DLC1: variants seen among roughly 807,000 people sequenced by gnomAD.
DLC1 encodes the protein rho GTPase-activating protein 7.
In DLC1, 54 loss-of-function variants were observed where a neutral mutation model predicts 140.3. The observed-to-expected ratio is 0.38, with a 90% CI of 0.31 to 0.48. The LOEUF is 0.48. DLC1 is among the 20% of genes least tolerant of loss of function. DLC1 has a pLI of 0.96. For missense variants in DLC1, 2,536 were observed against 1,907.0 expected, an observed-to-expected ratio of 1.33 and a Z score of -6.14; for synonymous variants, 986 against 728.1, an observed-to-expected ratio of 1.35 and a Z score of -5.70.
intron 5 of DLC1, among the ~76,000 whole-genome samples, chr8:13,194,825 TAGAG>T (rs1826956343): frequency 6.6e-6 from 1 of 151,938 alleles, no homozygotes; most frequent in Non-Finnish European, 1.5e-5. Context: ...TTGGGCAACA[TAGAG>T]AGACCCCCAT....
At chr8:13,593,660 G>A (rs549234278) in intron 1 of DLC1, among the ~76,000 whole-genome samples, 1 of 152,130 alleles carries the variant, frequency 6.6e-6, no homozygotes, top group Admixed American at 6.5e-5. Context: ...AACCCCGCCC[G>A]ATTCATACAG....
At chr8:13,119,798 T>C (rs992076380) in intron 5 of DLC1, among the ~76,000 whole-genome samples, 8 of 150,856 alleles carry the variant, frequency 5.3e-5, no homozygotes, top group African/African-American at 2.0e-4. Flanking sequence ...ACAAAAAATA[T>C]AAAAAGAAAA....
intron 2 of DLC1, among the ~76,000 whole-genome samples, chr8:13,451,141 G>C (rs9643907): frequency 0.15 from 22,485 of 145,810 alleles, 2,278 homozygotes; most frequent in African/African-American, 0.28. Context: ...GAGTAAATAT[G>C]TTTGAAAAAA....
rs565549829 is a variant in DLC1 at position 13,158,835 on chromosome 8, A to G, written c.1349-43178T>C. Reference sequence around the variant, plus strand: ...ATAAGACAGGTTAGGTAGTTTGTTTAGCTTCATTTTATGACAGAGAGAAAC... The same window carrying G: ...ATAAGACAGGTTAGGTAGTTTGTTTGGCTTCATTTTATGACAGAGAGAAAC... On this transcript the variant is annotated intron_variant, in intron 5 of 17. Coordinates refer to ENST00000276297, the MANE Select transcript of DLC1 (RefSeq NM_182643.3). 1.6e-4 allele frequency among the ~76,000 whole-genome samples: 23 copies of G among 146,250 alleles called. No homozygotes were observed. In the East Asian group the frequency reaches 3.2e-3, roughly 20 times the overall value.
chr8:13,572,021 A>G (rs1393324563), intron 1 of DLC1, among the ~76,000 whole-genome samples: 1 of 151,972 alleles, frequency 6.6e-6, no homozygotes, highest in African/African-American at 2.4e-5. Flanking sequence ...CAAAATGTCT[A>G]TTCAAATCCT....
At chr8:13,496,795 T>C (rs866227511) in intron 2 of DLC1, among the ~76,000 whole-genome samples, 13 of 8,758 alleles carry the variant, frequency 1.5e-3, no homozygotes, top group African/African-American at 2.7e-3. Flanking sequence ...CCTTTTTTTT[T>C]TTTTTTTTTT....
intron 17 of DLC1, 134 bp from the exon 18 acceptor site, chr8:13,086,065 C>G (rs73206688): frequency 0.039 from 55,357 of 1,422,188 alleles, 1,185 homozygotes; most frequent in Middle Eastern, 0.072. Context: ...CATGGCCGAG[C>G]TACCATATTT....
intron 2 of DLC1, among the ~76,000 whole-genome samples, chr8:13,437,009 T>C (rs1839149945): frequency 6.6e-6 from 1 of 152,242 alleles, no homozygotes; most frequent in Non-Finnish European, 1.5e-5. Context: ...GATATTGTCA[T>C]GTACCCTAAA....
intron 2 of DLC1, among the ~76,000 whole-genome samples, chr8:13,448,065 G>C (rs966918563): frequency 6.6e-6 from 1 of 152,152 alleles, no homozygotes; most frequent in Non-Finnish European, 1.5e-5. Context: ...ACTTTACTAT[G>C]CTGAAGAGTA....
chr8:13,558,579 A>C (rs781393984), intron 1 of DLC1: 3 of 152,182 alleles, frequency 2.0e-5, no homozygotes, highest in Non-Finnish European at 4.4e-5. Flanking sequence ...ATTGTTCTTT[A>C]GGTCACTTTC....
chr8:13,493,825 C>T (rs1036660240), intron 2 of DLC1, among the ~76,000 whole-genome samples: 1 of 152,112 alleles, frequency 6.6e-6, no homozygotes, highest in Non-Finnish European at 1.5e-5. Flanking sequence ...TTATCCTCCC[C>T]TTGTTACAAG....
At chr8:13,140,058 C>A (rs1482432407) in intron 5 of DLC1, among the ~76,000 whole-genome samples, 1 of 152,168 alleles carries the variant, frequency 6.6e-6, no homozygotes, top group Non-Finnish European at 1.5e-5. Flanking sequence ...TCCTCTTTCT[C>A]CCCTTCCCCC....
chr8:13,215,388 C>A (rs548092541), intron 5 of DLC1, among the ~76,000 whole-genome samples: 1 of 152,212 alleles, frequency 6.6e-6, no homozygotes, highest in Admixed American at 6.5e-5. Context: ...GAGTTTGAGA[C>A]CAGCCTGGCC....
At chr8:13,098,348 G>C (rs1351769066) in intron 10 of DLC1, 51 bp downstream of exon 10, 1 of 1,602,656 alleles carries the variant, frequency 6.2e-7, no homozygotes, top group Non-Finnish European at 8.5e-7. Context: ...TCAAGGAACT[G>C]ACCAAAAATA....
intron 2 of DLC1, among the ~76,000 whole-genome samples, chr8:13,486,087 A>T (rs1239971003): frequency 1.3e-5 from 2 of 152,216 alleles, no homozygotes; most frequent in African/African-American, 4.8e-5. Flanking sequence ...GAGAGAAAGC[A>T]CTTTGTAACT....
At chr8:13,234,835 A>G (rs1829209035) in intron 5 of DLC1, among the ~76,000 whole-genome samples, 1 of 152,112 alleles carries the variant, frequency 6.6e-6, no homozygotes, top group Non-Finnish European at 1.5e-5. Context: ...AAGAAAAGAG[A>G]GACTTGTCTT....
intron 5 of DLC1, among the ~76,000 whole-genome samples, chr8:13,137,200 G>T (rs1039513716): frequency 1.3e-5 from 2 of 152,128 alleles, no homozygotes; most frequent in Non-Finnish European, 2.9e-5. Context: ...GGGTCCCCAG[G>T]CCCCTCAGTG....
At chr8:13,192,018 T>C (rs1332421140) in intron 5 of DLC1, among the ~76,000 whole-genome samples, 1 of 150,538 alleles carries the variant, frequency 6.6e-6, no homozygotes, top group Non-Finnish European at 1.5e-5. Context: ...CTCGGCTCAC[T>C]GCAGCCTCTG....
intron 5 of DLC1, among the ~76,000 whole-genome samples, chr8:13,277,624 C>T (rs1187395866): frequency 6.6e-6 from 1 of 152,136 alleles, no homozygotes; most frequent in East Asian, 1.9e-4. Context: ...TCTAAAATGC[C>T]AAATAAATCT....
Sources: gnomAD v4.1 joint callset for allele counts (sites outside exome capture counted in the v4.1 genomes callset) on GRCh38, gnomAD v4.1.1 for gene constraint, MANE v1.5 for transcripts, NCBI Gene and HGNC (gene_info 2026-07-23, HGNC 2026-07-21) for gene names.